CASP6: variants seen among roughly 807,000 people sequenced by gnomAD.
CASP6 encodes caspase 6.
In CASP6, 20 loss-of-function variants were observed where a neutral mutation model predicts 31.8. The observed-to-expected ratio is 0.63, with a 90% confidence interval of 0.44 to 0.91. The LOEUF is 0.91. Among genes scored for constraint, CASP6 ranks in the 40% least tolerant of loss-of-function variants. CASP6 has a pLI of 0.00. For synonymous variants in CASP6, 130 were observed against 127.8 expected (o/e 1.02, Z -0.12); for missense variants, 328 against 361.1 (o/e 0.91, Z 0.74).
chr4:109,705,656 G>C (rs768364860), upstream of CASP6, among the ~76,000 whole-genome samples: 2 of 151,842 alleles, frequency 1.3e-5, no homozygotes, highest in Admixed American at 1.3e-4. Flanking sequence ...CTAGAGACTA[G>C]AGGGGGAAAA....
chr4:109,670,672 T>C, the CASP6 span, among the ~76,000 whole-genome samples: 107 of 151,458 alleles, frequency 7.1e-4, no homozygotes, highest in Middle Eastern at 0.01. Context: ...GCCAAGATCA[T>C]GTCATTGCAC....
chr4:109,687,428 G>T, downstream of CASP6: 1 of 882,688 alleles, frequency 1.1e-6, no homozygotes. Context: ...GTAAGGAGAC[G>T]CTAAGTTTAT....
chr4:109,705,974 TAAAAA>T (rs59584573), upstream of CASP6, among the ~76,000 whole-genome samples: 61 of 29,358 alleles, frequency 2.1e-3, no homozygotes, highest in East Asian at 4.9e-3. Context: ...AGACACTCTT[TAAAAA>T]AAAAAAAAAA....
At chr4:109,688,414 A>G (rs1383143406), downstream of CASP6, 4 of 152,260 alleles carry the variant, frequency 2.6e-5, no homozygotes, top group Non-Finnish European at 4.4e-5. Context: ...TGTTCAACCT[A>G]TAGTGGCTAA....
chr4:109,699,813 G>C (rs1020930796), intron 1 of CASP6, among the ~76,000 whole-genome samples: 2 of 152,212 alleles, frequency 1.3e-5, no homozygotes, highest in Admixed American at 6.5e-5. Context: ...TATGAAGACA[G>C]CACAGGGATT....
At chr4:109,687,821 G>T, downstream of CASP6, 1 of 486,936 alleles carries the variant, frequency 2.1e-6, no homozygotes, top group Non-Finnish European at 3.6e-6. Context: ...GGTGGCTGCT[G>T]TTAGCTAAAA....
Position 109,703,402 on chromosome 4 carries a change from C to T in CASP6, c.-7G>A. ...GCCCCGAGGCCGAGCTCATTGCAGCCAAACGCGCAGCCAGACACCTTGCCC... is the reference window on the plus strand; with the variant it reads ...GCCCCGAGGCCGAGCTCATTGCAGCTAAACGCGCAGCCAGACACCTTGCCC... On this transcript the variant is annotated 5_prime_UTR_variant, in exon 1 of 7. Coordinates refer to ENST00000265164, the MANE Select transcript of CASP6 (RefSeq NM_001226.4). The T allele has an allele frequency of 6.2e-7, 1 of 1,611,820 alleles. No homozygotes were observed. Among genetic ancestry groups the T allele is most frequent in the South Asian group, 1.1e-5 (1 of 90,556 alleles).
At chr4:109,686,420 T>A (rs1729837757), downstream of CASP6, among the ~76,000 whole-genome samples, 1 of 152,228 alleles carries the variant, frequency 6.6e-6, no homozygotes. Context: ...ATTACAGGTG[T>A]GAGCCACCAT....
chr4:109,708,405 T>G (rs1396858688), upstream of CASP6, among the ~76,000 whole-genome samples: 1 of 152,258 alleles, frequency 6.6e-6, no homozygotes, highest in Non-Finnish European at 1.5e-5. Flanking sequence ...ACCATCTTGT[T>G]GTACTCGTTG....
At chr4:109,665,954 GAAA>G in the CASP6 span, among the ~76,000 whole-genome samples, 4 of 150,890 alleles carry the variant, frequency 2.7e-5, no homozygotes, top group Non-Finnish European at 5.9e-5. Flanking sequence ...AGAGTGGGAG[GAAA>G]AAAAGAAAGG....
intron 3 of CASP6, 33 bp from the exon 4 acceptor site, chr4:109,696,519 A>G: frequency 1.4e-6 from 2 of 1,465,694 alleles, no homozygotes; most frequent in Non-Finnish European, 1.9e-6. Flanking sequence ...GTTAGCCTAT[A>G]AACTTTTCAA....
the CASP6 span, among the ~76,000 whole-genome samples, chr4:109,673,154 C>A: frequency 6.6e-6 from 1 of 152,112 alleles, no homozygotes; most frequent in Non-Finnish European, 1.5e-5. Flanking sequence ...AAGAGGAAAT[C>A]CCTGTTAAGA....
chr4:109,705,996 AAAAAAATATATATATATAT>A (rs1241608015), upstream of CASP6, among the ~76,000 whole-genome samples: 2 of 64,582 alleles, frequency 3.1e-5, no homozygotes, highest in Admixed American at 1.6e-4. Context: ...AAAAAAAAAA[AAAAAAATATATATATATAT>A]ATATATATAT....
intron 5 of CASP6, among the ~76,000 whole-genome samples, chr4:109,692,901 G>A (rs913827733): frequency 6.6e-6 from 1 of 152,202 alleles, no homozygotes; most frequent in African/African-American, 2.4e-5. Context: ...GCAGTTTCAT[G>A]TTTGATACGG....
chr4:109,676,552 G>A, the CASP6 span, among the ~76,000 whole-genome samples: 1 of 152,102 alleles, frequency 6.6e-6, no homozygotes, highest in African/African-American at 2.4e-5. Context: ...GCTTTTTCTA[G>A]TCTGCTCTTC....
upstream of CASP6, chr4:109,703,640 C>A: frequency 1.8e-6 from 1 of 557,518 alleles, no homozygotes; most frequent in South Asian, 2.4e-5. Flanking sequence ...GGGAGAGGTA[C>A]GCGGTCTTCG....
chr4:109,698,553 T>G (rs1316758845), intron 1 of CASP6, among the ~76,000 whole-genome samples: 3 of 152,208 alleles, frequency 2.0e-5, no homozygotes, highest in Non-Finnish European at 2.9e-5. Flanking sequence ...ACCCCCAACT[T>G]GACCTGCAAA....
downstream of CASP6, chr4:109,684,495 G>T: frequency 6.2e-7 from 1 of 1,614,006 alleles, no homozygotes. Flanking sequence ...GGACTCCTGT[G>T]GGCTGGATTG....
At chr4:109,667,660 ATT>A in the CASP6 span, among the ~76,000 whole-genome samples, 10 of 150,308 alleles carry the variant, frequency 6.7e-5, no homozygotes, top group South Asian at 1.9e-3. Flanking sequence ...CATAATAAAT[ATT>A]CTACTATATT....
Sources: allele counts gnomAD v4.1 joint callset (sites outside exome capture counted in the v4.1 genomes callset), GRCh38; gene constraint gnomAD v4.1.1; transcripts MANE v1.5; gene names NCBI Gene and HGNC (gene_info 2026-07-23, HGNC 2026-07-21).